CDH18: variants seen among roughly 807,000 people sequenced by gnomAD.
CDH18 encodes cadherin-18.
Under a neutral mutation model 67.9 loss-of-function variants are expected in CDH18, and 31 were observed. The ratio of observed to expected loss-of-function variants is 0.46; its 90% confidence interval spans 0.34 to 0.62. The LOEUF is 0.62. CDH18 is among the 20% of genes least tolerant of loss of function. CDH18 has a pLI of 0.01. For synonymous variants in CDH18, 362 were observed against 347.2 expected (o/e 1.04, Z -0.48); for missense variants, 890 against 975.5 (o/e 0.91, Z 1.17).
chr5:20,241,009 A>G (rs1742852267), intron 2 of CDH18, among the ~76,000 whole-genome samples: 1 of 152,174 alleles, frequency 6.6e-6, no homozygotes, highest in Non-Finnish European at 1.5e-5. Context: ...TTCTTTTTTT[A>G]TTTATGTAAA....
chr5:19,741,141 T>C (rs1293171026), intron 4 of CDH18, among the ~76,000 whole-genome samples: 1 of 61,454 alleles, frequency 1.6e-5, no homozygotes, highest in Admixed American at 1.8e-4. Context: ...AATATACATG[T>C]ATATGTACAT....
At chr5:20,153,734 A>G (rs1053404029) in intron 2 of CDH18, among the ~76,000 whole-genome samples, 1 of 152,146 alleles carries the variant, frequency 6.6e-6, no homozygotes, top group Non-Finnish European at 1.5e-5. Context: ...TCCTTTATAC[A>G]TGCATCAAGA....
At chr5:19,968,807 C>T (rs1461598265) in intron 2 of CDH18, among the ~76,000 whole-genome samples, 1 of 145,092 alleles carries the variant, frequency 6.9e-6, no homozygotes, top group Non-Finnish European at 1.5e-5. Context: ...TCTAAAACAC[C>T]AAAAGCAATG....
chr5:19,882,317 A>T (rs904398428), intron 2 of CDH18, among the ~76,000 whole-genome samples: 32 of 152,146 alleles, frequency 2.1e-4, no homozygotes, highest in African/African-American at 7.7e-4. Flanking sequence ...ATTGTATATA[A>T]CATTTAGGTA....
intron 3 of CDH18, among the ~76,000 whole-genome samples, chr5:19,827,954 AATTAG>A (rs1357861884): frequency 1.3e-5 from 2 of 152,150 alleles, no homozygotes; most frequent in African/African-American, 4.8e-5. Flanking sequence ...TGAAAGAATA[AATTAG>A]ATTGATAGAC....
At chr5:20,388,517 C>A (rs1562023796) in intron 1 of CDH18, among the ~76,000 whole-genome samples, 1 of 151,930 alleles carries the variant, frequency 6.6e-6, no homozygotes, top group Non-Finnish European at 1.5e-5. Context: ...TTCAAAAAAC[C>A]AGCTCCTAGA....
chr5:20,051,416 A>G (rs1741406739), intron 2 of CDH18, among the ~76,000 whole-genome samples: 1 of 152,012 alleles, frequency 6.6e-6, no homozygotes, highest in Admixed American at 6.6e-5. Flanking sequence ...TATAAAGACC[A>G]TTATAAATTT....
chr5:20,017,236 AG>A (rs1402028745), intron 2 of CDH18, among the ~76,000 whole-genome samples: 1 of 152,180 alleles, frequency 6.6e-6, no homozygotes, highest in African/African-American at 2.4e-5. Flanking sequence ...TGGCTGAACA[AG>A]AGTCATTTTC....
chr5:20,488,583 A>G (rs1212006999), intron 1 of CDH18, among the ~76,000 whole-genome samples: 2 of 151,822 alleles, frequency 1.3e-5, no homozygotes, highest in African/African-American at 4.8e-5. Flanking sequence ...TAAAACTTAC[A>G]TAAATATGTC....
intron 2 of CDH18, among the ~76,000 whole-genome samples, chr5:19,961,333 T>C (rs542807362): frequency 7.2e-5 from 11 of 151,928 alleles, no homozygotes; most frequent in Non-Finnish European, 1.5e-4. Context: ...GGTCTCAAAC[T>C]CCTGACCTCG....
rs76168122 is a variant in CDH18 at position 20,480,247 on chromosome 5, C to G, written c.-580+95215G>C. ...CACAGACAAATACAGAAAATTATAA[C>G]ACTGAAAATGTGGTATGTAAATTAC... On this transcript the variant is annotated intron_variant, in intron 1 of 14. Transcript: ENST00000507958. 4.3e-3 allele frequency among the ~76,000 whole-genome samples: 657 copies of G among 152,164 alleles called. 4 individuals are homozygous for G. Among genetic ancestry groups the G allele is most frequent in the African/African-American group, 0.015 (611 of 41,530 alleles).
intron 4 of CDH18, among the ~76,000 whole-genome samples, chr5:19,731,736 T>C (rs1437109134): frequency 6.6e-6 from 1 of 152,192 alleles, no homozygotes; most frequent in African/African-American, 2.4e-5. Flanking sequence ...TTAGAAATGG[T>C]TTCTTGAGAT....
chr5:20,020,824 C>T (rs1055348071), intron 2 of CDH18, among the ~76,000 whole-genome samples: 3 of 152,150 alleles, frequency 2.0e-5, no homozygotes, highest in African/African-American at 4.8e-5. Flanking sequence ...AACAGAGTTC[C>T]CACTGGAGCA....
intron 1 of CDH18, among the ~76,000 whole-genome samples, chr5:20,570,629 C>A (rs1174703743): frequency 6.6e-6 from 1 of 152,058 alleles, no homozygotes; most frequent in East Asian, 1.9e-4. Context: ...TTCTCAGTAA[C>A]CTGGGCCAAG....
intron 1 of CDH18, among the ~76,000 whole-genome samples, chr5:20,400,352 C>T (rs1472630257): frequency 6.6e-6 from 1 of 151,924 alleles, no homozygotes; most frequent in Non-Finnish European, 1.5e-5. Flanking sequence ...GTGTCAGGCA[C>T]CTGTAATACC....
intron 2 of CDH18, among the ~76,000 whole-genome samples, chr5:20,017,505 C>T (rs1737982602): frequency 6.6e-6 from 1 of 151,868 alleles, no homozygotes; most frequent in African/African-American, 2.4e-5. Flanking sequence ...TTATAAAAGC[C>T]AAAATTGGCA....
intron 2 of CDH18, among the ~76,000 whole-genome samples, chr5:19,971,727 G>T (rs999007034): frequency 6.6e-6 from 1 of 151,728 alleles, no homozygotes; most frequent in African/African-American, 2.4e-5. Flanking sequence ...ACAGGATCAA[G>T]AAAAACAATT....
At chr5:19,600,614 A>T (rs1326801995) in intron 6 of CDH18, among the ~76,000 whole-genome samples, 1 of 151,536 alleles carries the variant, frequency 6.6e-6, no homozygotes, top group Non-Finnish European at 1.5e-5. Context: ...GAAAAAAAGA[A>T]ATATAGTTTT....
At chr5:19,744,717 T>G (rs563517646) in intron 4 of CDH18, among the ~76,000 whole-genome samples, 1 of 152,228 alleles carries the variant, frequency 6.6e-6, no homozygotes, top group African/African-American at 2.4e-5. Context: ...AACAATAGAT[T>G]TGGGGCTTCA....
Sources: gnomAD v4.1 joint callset for allele counts (sites outside exome capture counted in the v4.1 genomes callset) on GRCh38, gnomAD v4.1.1 for gene constraint, MANE v1.5 for transcripts, NCBI Gene and HGNC (gene_info 2026-07-23, HGNC 2026-07-21) for gene names.